Variants in RYR3 observed in about 807,000 individuals in gnomAD.
RYR3 encodes brain ryanodine receptor-calcium release channel.
RYR3 carries 207 observed loss-of-function variants against 584.3 expected under a neutral mutation model. That is an observed-to-expected ratio of 0.35 (90% CI 0.32 to 0.40). The LOEUF is 0.40. Among genes scored for constraint, RYR3 ranks in the 10% least tolerant of loss-of-function variants. RYR3 has a pLI of 1.00. For missense variants in RYR3, 5,616 were observed against 6,089.2 expected, an observed-to-expected ratio of 0.92 and a Z score of 2.59; for synonymous variants, 2,416 against 2,248.5, an observed-to-expected ratio of 1.07 and a Z score of -2.11.
At chr15:33,393,775 A>C (rs1171685760) in intron 1 of RYR3, among the ~76,000 whole-genome samples, 1 of 152,154 alleles carries the variant, frequency 6.6e-6, no homozygotes, top group African/African-American at 2.4e-5. Context: ...CAAATTCACA[A>C]TCTTGGACCC....
intron 96 of RYR3, 39 bp downstream of exon 96, chr15:33,853,721 AATAG>A: frequency 1.3e-6 from 2 of 1,598,742 alleles, no homozygotes; most frequent in Non-Finnish European, 1.7e-6. Flanking sequence ...AAGCAGCTAA[AATAG>A]ATAGATCTTT....
chr15:33,464,460 G>GGA (rs1196551933), intron 1 of RYR3, among the ~76,000 whole-genome samples: 9 of 68,296 alleles, frequency 1.3e-4, no homozygotes, highest in African/African-American at 2.4e-4. Flanking sequence ...GTAGGGAGGT[G>GGA]GAGATATATA....
At chr15:33,669,323 C>A in intron 36 of RYR3, 31 bp from the exon 37 acceptor site, 2 of 1,585,056 alleles carry the variant, frequency 1.3e-6, no homozygotes, top group Non-Finnish European at 1.7e-6. Flanking sequence ...CATTGAGAAC[C>A]AACTAGCTAT....
chr15:33,494,609 T>G (rs576829903), intron 2 of RYR3, among the ~76,000 whole-genome samples: 1 of 152,108 alleles, frequency 6.6e-6, no homozygotes, highest in South Asian at 2.1e-4. Context: ...AGAAGGGGTT[T>G]TCTTTACTTC....
At chr15:33,489,614 G>A (rs543181835) in intron 2 of RYR3, among the ~76,000 whole-genome samples, 1 of 152,036 alleles carries the variant, frequency 6.6e-6, no homozygotes, top group African/African-American at 2.4e-5. Context: ...GCCATGGTGA[G>A]CATTTAGGTT....
Position 33,737,942 on chromosome 15 carries a change from G to A in RYR3, c.7516-508G>A, listed in dbSNP as rs184307881. Among the ~76,000 whole-genome samples, 24 of 152,236 alleles carry A rather than the reference G, an allele frequency of 1.6e-4. 1 individual carries two copies. The highest frequency in any genetic ancestry group is 1.4e-3 in the Admixed American group (21 of 15,282). ...TCACTGGGGTGTGAGAGAGGGGAGA[G>A]GGAGCGGGCACGGGGAGTGGGGGCA... On this transcript the variant is annotated intron_variant, in intron 49 of 103. Coordinates refer to ENST00000634891, the MANE Select transcript of RYR3 (RefSeq NM_001036.6).
chr15:33,781,862 G>GC (rs1418321746), intron 65 of RYR3, among the ~76,000 whole-genome samples: 1 of 151,640 alleles, frequency 6.6e-6, no homozygotes, highest in South Asian at 2.1e-4. Flanking sequence ...AAAAAAAAGG[G>GC]GGGGGGGATT....
rs2061348925 is a variant in RYR3 at position 33,633,184 on chromosome 15, T to C, written c.3027+76T>C. 4 of 1,488,892 alleles carry C rather than the reference T, an allele frequency of 2.7e-6. No homozygotes were observed. In the South Asian group the frequency reaches 5.1e-5, roughly 19 times the overall value. 92.2% of individuals were successfully genotyped at this position (1,488,892 alleles called of 1,614,324 possible). A position where few individuals can be genotyped will look rare whatever the true frequency, so the allele number is the denominator to read the frequency against. On this transcript the variant is annotated intron_variant, in intron 24 of 103. Transcript: ENST00000634891. ...CCACGTGCCGTTTTGCTTTGGTGTG[T>C]GTTAGATCAGAAGGAAGAGTTTGCC...
At chr15:33,705,634 C>T (rs1208965167) in intron 42 of RYR3, among the ~76,000 whole-genome samples, 1 of 152,212 alleles carries the variant, frequency 6.6e-6, no homozygotes, top group African/African-American at 2.4e-5. Flanking sequence ...GATCCTAGCA[C>T]AGAGATCTCG....
In RYR3 at chr15:33,838,413, G is replaced by C. The variant is rs2078167019; in HGVS notation, c.12433G>C (p.Ala4145Pro). 6.2e-7 allele frequency: 1 copy of C among 1,613,926 alleles called. No individual in the cohort carries two copies. Among genetic ancestry groups the C allele is most frequent in the Non-Finnish European group, 8.5e-7 (1 of 1,179,910 alleles). The change falls in exon 89 of 104, where the codon GCC becomes CCC. Residue 4145 changes from alanine (A) to proline (P), a missense_variant. Ala to Pro is a conservative substitution (Grantham distance 27). Coordinates refer to ENST00000634891, the MANE Select transcript of RYR3 (RefSeq NM_001036.6). ...TGAGCCGGCCTCTGCATTTGCTATG[G>C]CCTGTGCCTCTGTGAAGAGGAATGT... is the stretch of plus-strand genomic sequence containing the variant. ...SLEPASAFAM[A>P]CASVKRNVTD...
At chr15:33,647,370 T>A (rs2062159294) in intron 29 of RYR3, 54 bp from the exon 30 acceptor site, 3 of 1,448,164 alleles carry the variant, frequency 2.1e-6, no homozygotes, top group Middle Eastern at 3.5e-4. Context: ...CTGTCGGAAC[T>A]GTGGGATTCT....
intron 89 of RYR3, chr15:33,840,532 C>T (rs1487734645): frequency 4.7e-6 from 2 of 422,848 alleles, no homozygotes; most frequent in Non-Finnish European, 8.5e-6. Flanking sequence ...CCCTGTGGAG[C>T]AGTAGAACCA....
chr15:33,674,960 A>T (rs2064079218), intron 38 of RYR3, among the ~76,000 whole-genome samples: 1 of 151,584 alleles, frequency 6.6e-6, no homozygotes, highest in Non-Finnish European at 1.5e-5. Context: ...CATCTTGAAA[A>T]ATCCAGTGGC....
chr15:33,566,733 A>G lies in RYR3; in HGVS notation c.1202A>G (p.Gln401Arg). The change falls in exon 12 of 104, where the codon CAG becomes CGG. Residue 401 changes from glutamine (Q) to arginine (R), a missense_variant. Gln to Arg is a conservative substitution (Grantham distance 43). Coordinates refer to ENST00000634891, the MANE Select transcript of RYR3 (RefSeq NM_001036.6). ...MDDGLTLQRC[Q>R]REESQAARII... The stretch of plus-strand genomic sequence containing the variant: ...GATGGATTAACACTGCAGAGATGCC[A>G]GCGTGAGGAGTCCCAGGCTGCTCGG... 6.2e-7 allele frequency: 1 copy of G among 1,613,820 alleles called. No homozygotes were observed. Among genetic ancestry groups the G allele is most frequent in the Non-Finnish European group, 8.5e-7 (1 of 1,179,738 alleles).
intron 99 of RYR3, chr15:33,858,169 C>G (rs1191735892): frequency 2.3e-6 from 1 of 431,818 alleles, no homozygotes; most frequent in Middle Eastern, 6.2e-4. Flanking sequence ...TGCACAGTGG[C>G]GTCATCATTC....
intron 103 of RYR3, chr15:33,864,672 G>C (rs1597146994): frequency 5.7e-6 from 1 of 176,882 alleles, no homozygotes; most frequent in Admixed American, 5.5e-5. Context: ...GAGAACAAGG[G>C]AGGAAAAAGT....
intron 1 of RYR3, among the ~76,000 whole-genome samples, chr15:33,401,357 T>C (rs1323182620): frequency 6.6e-6 from 1 of 152,212 alleles, no homozygotes; most frequent in African/African-American, 2.4e-5. Context: ...GGTGGTAACC[T>C]TGTTGTCTCA....
rs1440091642 is a variant in RYR3 at position 33,548,133 on chromosome 15, G to T, written c.744G>T (p.Arg248Ser). Residue 248 changes from arginine (R) to serine (S), a missense_variant, in exon 9 of 104, where the codon AGG becomes AGT. This residue lies in a region of RYR3 where 1,284 missense variants were observed against 1,344.6 expected (regional missense o/e 0.95). Coordinates refer to ENST00000634891, the MANE Select transcript of RYR3 (RefSeq NM_001036.6). ...STDQNDSQHR[R>S]IFYEAGGAGT... ...TGATCTCCAACTCTGCTCACAGGAG[G>T]ATATTCTACGAAGCTGGGGGAGCTG... 1 of 1,611,728 alleles carries T rather than the reference G, an allele frequency of 6.2e-7. No individual in the cohort carries two copies. The highest frequency in any genetic ancestry group is 2.2e-5 in the East Asian group (1 of 44,838).
At chr15:33,335,502 G>C (rs1426507191) in intron 1 of RYR3, among the ~76,000 whole-genome samples, 1 of 152,072 alleles carries the variant, frequency 6.6e-6, no homozygotes, top group Non-Finnish European at 1.5e-5. Context: ...CACATAGAGG[G>C]GAACAGCATA....
Sources: allele counts gnomAD v4.1 joint callset (sites outside exome capture counted in the v4.1 genomes callset), GRCh38; gene constraint gnomAD v4.1.1; regional missense constraint gnomAD v4.1.1; transcripts MANE v1.5; gene names NCBI Gene and HGNC (gene_info 2026-07-23, HGNC 2026-07-21).